STK10: variants seen among roughly 807,000 people sequenced by gnomAD.
STK10 encodes serine/threonine-protein kinase 10.
STK10 carries 78 observed loss-of-function variants against 113.8 expected under a neutral mutation model. That is an observed-to-expected ratio of 0.69 (90% CI 0.57 to 0.83). The LOEUF is 0.83. Ranked by LOEUF, STK10 falls within the 40% of genes least tolerant of loss-of-function variation. The pLI is 0.00. For missense variants in STK10, 1,109 were observed against 1,280.1 expected, an observed-to-expected ratio of 0.87 and a Z score of 2.04; for synonymous variants, 465 against 494.7, an observed-to-expected ratio of 0.94 and a Z score of 0.80.
Position 172,181,923 on chromosome 5 carries a change from C to T in STK10, c.156+5964G>A, listed in dbSNP as rs533271300. 4.6e-5 allele frequency among the ~76,000 whole-genome samples: 7 copies of T among 152,216 alleles called. No homozygotes were observed. In the South Asian group the frequency reaches 8.3e-4, roughly 18 times the overall value. On this transcript the variant is annotated intron_variant, in intron 1 of 18. Coordinates refer to ENST00000176763, the MANE Select transcript of STK10 (RefSeq NM_005990.4). The stretch of plus-strand genomic sequence containing the variant: ...GGAAATATATCAACATGTCAACAGA[C>T]GCTGATGGAACCCAGGGTAATTTTT...
chr5:172,046,621 C>T (rs1767501360), intron 18 of STK10, among the ~76,000 whole-genome samples: 1 of 152,180 alleles, frequency 6.6e-6, no homozygotes, highest in Non-Finnish European at 1.5e-5. Context: ...CTGTTCTACC[C>T]ACCACATATA....
chr5:172,116,129 G>A (rs900093199), intron 4 of STK10, among the ~76,000 whole-genome samples: 2 of 152,142 alleles, frequency 1.3e-5, no homozygotes, highest in African/African-American at 2.4e-5. Context: ...TGCCCAGACC[G>A]GAGTGCAGTG....
Position 172,091,691 on chromosome 5 carries a change from C to T in STK10, c.1555-1329G>A, listed in dbSNP as rs139002348. On this transcript the variant is annotated intron_variant, in intron 9 of 18. Coordinates refer to ENST00000176763, the MANE Select transcript of STK10 (RefSeq NM_005990.4). ...GATTACAGGCATGCGCCACCACGCC[C>T]GGCTAATTTTTTAATTTTTTTAAGT... is the stretch of plus-strand genomic sequence containing the variant. Among the ~76,000 whole-genome samples, 541 of 152,204 alleles carry T rather than the reference C, an allele frequency of 3.6e-3. 2 individuals carry two copies. The highest frequency in any genetic ancestry group is 0.012 in the African/African-American group (517 of 41,518).
intron 1 of STK10, among the ~76,000 whole-genome samples, chr5:172,169,084 C>A (rs1404480546): frequency 6.6e-6 from 1 of 152,174 alleles, no homozygotes; most frequent in Non-Finnish European, 1.5e-5. Flanking sequence ...AACACCTCCT[C>A]CCTACCTGCG....
chr5:172,155,497 C>CA (rs59148440), intron 2 of STK10, among the ~76,000 whole-genome samples: 2,497 of 92,538 alleles, frequency 0.027, 56 homozygotes, highest in African/African-American at 0.077. Context: ...GACTCCATCT[C>CA]AAAAAAAAAA....
chr5:172,103,414 C>T (rs1024064541), intron 7 of STK10, among the ~76,000 whole-genome samples: 10 of 152,174 alleles, frequency 6.6e-5, no homozygotes, highest in African/African-American at 2.2e-4. Context: ...AAGTATGGAG[C>T]GGAAATTCCT....
chr5:172,068,828 T>C (rs926029198), intron 12 of STK10, among the ~76,000 whole-genome samples: 1 of 150,564 alleles, frequency 6.6e-6, no homozygotes, highest in Non-Finnish European at 1.5e-5. Context: ...GAGGTTGCAG[T>C]GAGCCAAGAT....
rs372256379 is a variant in STK10, at chr5:172,054,662, C to T, written c.2559G>A (p.Ser853=). 62 of 1,610,746 alleles carry T rather than the reference C, an allele frequency of 3.8e-5. No individual in the cohort carries two copies. Among genetic ancestry groups the T allele is most frequent in the South Asian group, 2.4e-4 (22 of 91,088 alleles). The change falls in exon 17 of 19, where the codon TCG becomes TCA. Residue 853 remains serine, a synonymous_variant. Transcript: ENST00000176763. ...GTTTCTGCTGTTGCTGCAGCCGCTC[C>T]GACTTCTGCCTCTTCTCCTCCTGCT... ...FSQQEEKRQK[S]ERLQQQQKHE...
At chr5:172,161,577 C>T (rs563556772) in intron 1 of STK10, among the ~76,000 whole-genome samples, 21 of 152,230 alleles carry the variant, frequency 1.4e-4, no homozygotes, top group African/African-American at 4.3e-4. Context: ...CTGCAAAGTC[C>T]CCAGGATCCC....
chr5:172,105,586 C>A, intron 7 of STK10, 70 bp downstream of exon 7: 1 of 1,503,490 alleles, frequency 6.7e-7, no homozygotes, highest in Non-Finnish European at 9.2e-7. Flanking sequence ...ACATGCCCAG[C>A]GTCCAGGTCA....
chr5:172,158,134 G>T (rs1429505349), intron 1 of STK10, among the ~76,000 whole-genome samples: 3 of 152,176 alleles, frequency 2.0e-5, no homozygotes, highest in African/African-American at 7.2e-5. Flanking sequence ...ACAAGTGTTG[G>T]TGAGGACTGG....
intron 8 of STK10, among the ~76,000 whole-genome samples, 177 bp from the exon 9 acceptor site, chr5:172,094,137 A>G (rs77586605): frequency 0.093 from 14,081 of 152,072 alleles, 692 homozygotes; most frequent in East Asian, 0.12. Flanking sequence ...ACCGTAATAC[A>G]ATTACTACTT....
rs1414813281 is a variant in STK10 at position 172,174,531 on chromosome 5, G to T, written c.156+13356C>A. 2.0e-5 allele frequency among the ~76,000 whole-genome samples: 3 copies of T among 152,242 alleles called. No homozygotes were observed. The South Asian group carries it at 6.2e-4, about 32-fold the overall frequency. ...CTCCGCGGGCCCTGTTCCAAATGCA[G>T]GGGACACAAAGATCACTCCTTGTCC... On this transcript the variant is annotated intron_variant, in intron 1 of 18. Coordinates refer to ENST00000176763, the MANE Select transcript of STK10 (RefSeq NM_005990.4).
chr5:172,117,729 A>G (rs1769418653), intron 3 of STK10, 99 bp from the exon 4 acceptor site: 1 of 1,523,744 alleles, frequency 6.6e-7, no homozygotes, highest in Non-Finnish European at 8.9e-7. Flanking sequence ...AGCCACCAAC[A>G]TTAGGCCAGG....
At chr5:172,151,493 C>T (rs1434382960) in intron 2 of STK10, among the ~76,000 whole-genome samples, 1 of 152,092 alleles carries the variant, frequency 6.6e-6, no homozygotes, top group Non-Finnish European at 1.5e-5. Context: ...ATTACAGGCA[C>T]ACGCCACCAC....
chr5:172,176,489 C>G (rs1016159910), intron 1 of STK10, among the ~76,000 whole-genome samples: 1 of 152,162 alleles, frequency 6.6e-6, no homozygotes, highest in East Asian at 1.9e-4. Context: ...TCACCAGGGT[C>G]GGTCACTCTG....
chr5:172,156,889 G>A (rs903637079), intron 1 of STK10, 101 bp from the exon 2 acceptor site: 31 of 1,374,034 alleles, frequency 2.3e-5, no homozygotes, highest in African/African-American at 7.2e-5. Context: ...AACAGAGGCC[G>A]GATGTCCAGA....
At position 172,103,531 on chromosome 5, in the gene STK10, A is replaced by G. The variant is rs1581157513; in HGVS notation, c.870+2125T>C. The stretch of plus-strand genomic sequence containing the variant: ...TATCAGGGCAGGAGGTGCCTCTTAC[A>G]GGAAACAATTGGCCCCAAGCGGCTT... On this transcript the variant is annotated intron_variant, in intron 7 of 18. Coordinates refer to ENST00000176763, the MANE Select transcript of STK10 (RefSeq NM_005990.4). Among the ~76,000 whole-genome samples, 9 of 152,216 alleles carry G rather than the reference A, an allele frequency of 5.9e-5. 1 individual carries two copies. The South Asian group carries it at 1.9e-3, about 32-fold the overall frequency.
chr5:172,064,817 A>G lies in STK10; in HGVS notation c.1990-5T>C, dbSNP rs1389677630. ...CTTCTCCACCTCGTTCTTCACCTGCAGCAGAGACAGCAGAGAGTAGCTGGG... is the reference window on the plus strand; with the variant it reads ...CTTCTCCACCTCGTTCTTCACCTGCGGCAGAGACAGCAGAGAGTAGCTGGG... On this transcript the variant is annotated splice_polypyrimidine_tract_variant and splice_region_variant and intron_variant, in intron 12 of 18. Transcript: ENST00000176763. The G allele has an allele frequency of 6.2e-7, 1 of 1,613,982 alleles. No homozygotes were observed. Among genetic ancestry groups the G allele is most frequent in the Non-Finnish European group, 8.5e-7 (1 of 1,180,004 alleles).
Sources: allele counts gnomAD v4.1 joint callset (sites outside exome capture counted in the v4.1 genomes callset), GRCh38; gene constraint gnomAD v4.1.1; transcripts MANE v1.5; gene names NCBI Gene and HGNC (gene_info 2026-07-23, HGNC 2026-07-21).